Variants in GATAD1 observed in about 807,000 individuals in gnomAD.
GATAD1 encodes GATA zinc finger domain-containing protein 1.
A neutral mutation model predicts 26.5 loss-of-function variants in GATAD1; 12 were observed. The ratio of observed to expected loss-of-function variants is 0.45; its 90% confidence interval spans 0.29 to 0.73. The LOEUF is 0.73. Among genes scored for constraint, GATAD1 ranks in the 30% least tolerant of loss-of-function variants. The pLI is 0.10. For synonymous variants in GATAD1, 129 were observed against 133.1 expected (o/e 0.97, Z 0.21); for missense variants, 266 against 342.1 (o/e 0.78, Z 1.75).
chr7:92,483,448 T>C, the GATAD1 span, among the ~76,000 whole-genome samples: 1 of 152,242 alleles, frequency 6.6e-6, no homozygotes, highest in African/African-American at 2.4e-5. Context: ...TAAGTCCTGT[T>C]GTGGGGTTTG....
the GATAD1 span, chr7:92,487,374 CAT>C: frequency 1.4e-6 from 1 of 737,010 alleles, no homozygotes; most frequent in Non-Finnish European, 2.4e-6. Context: ...AGAAGAAATT[CAT>C]AGACACCATT....
At chr7:92,494,453 TATAAC>T in the GATAD1 span, 1 of 1,612,196 alleles carries the variant, frequency 6.2e-7, no homozygotes, top group Non-Finnish European at 8.5e-7. Flanking sequence ...GACATTTTGT[TATAAC>T]ATTCTATTTC....
At chr7:92,468,306 G>A in the GATAD1 span, 7 of 176,914 alleles carry the variant, frequency 4.0e-5, no homozygotes, top group Admixed American at 1.2e-4. Flanking sequence ...GCGGGTCTGC[G>A]GTGGCGGCAA....
chr7:92,484,929 G>C, the GATAD1 span, among the ~76,000 whole-genome samples: 1 of 152,020 alleles, frequency 6.6e-6, no homozygotes, highest in Non-Finnish European at 1.5e-5. Context: ...CAGGCGGGCT[G>C]AGTCCGAAAA....
chr7:92,455,880 T>G (rs1789649919), intron 4 of GATAD1, among the ~76,000 whole-genome samples: 1 of 152,236 alleles, frequency 6.6e-6, no homozygotes. Context: ...TGCCTCCTCT[T>G]TCTAATCCCC....
Position 92,454,667 on chromosome 7 carries a change from C to A in GATAD1, c.601C>A (p.Pro201Thr), listed in dbSNP as rs748669338. ...CTCTAGCCCCAGAGACCAATTTGATCCCGCCTCCTATATCATAGGTAAGTT... is the reference window on the plus strand; with the variant it reads ...CTCTAGCCCCAGAGACCAATTTGATACCGCCTCCTATATCATAGGTAAGTT... ...TLSSPRDQFD[P>T]ASYIIGPEED... Residue 201 changes from proline (P) to threonine (T), a missense_variant, in exon 4 of 5, where the codon CCC (proline) becomes ACC (threonine). Transcript: ENST00000287957. 2 of 1,595,870 alleles carry A rather than the reference C, an allele frequency of 1.3e-6. No homozygotes were observed. Among genetic ancestry groups the A allele is most frequent in the South Asian group, 1.2e-5 (1 of 86,668 alleles).
chr7:92,483,823 G>C, the GATAD1 span, among the ~76,000 whole-genome samples: 1,798 of 152,248 alleles, frequency 0.012, 38 homozygotes, highest in African/African-American at 0.042. Flanking sequence ...ATTATAGGGT[G>C]GGGGAGCAGA....
the GATAD1 span, among the ~76,000 whole-genome samples, chr7:92,487,720 T>C: frequency 1.3e-5 from 2 of 152,134 alleles, no homozygotes; most frequent in South Asian, 4.1e-4. Flanking sequence ...TGCACTCCAA[T>C]AGAAAACGGA....
chr7:92,475,447 T>C, the GATAD1 span: 29,795 of 152,126 alleles, frequency 0.2, 3,184 homozygotes, highest in East Asian at 0.32. Context: ...GAATTAGTTA[T>C]GCTCACTGAT....
At chr7:92,461,513 G>A (rs932747732), downstream of GATAD1, 1 of 152,194 alleles carries the variant, frequency 6.6e-6, no homozygotes, top group Non-Finnish European at 1.5e-5. Context: ...TGAAAGAGAA[G>A]GCAAGGAACT....
chr7:92,485,597 TG>T, the GATAD1 span, among the ~76,000 whole-genome samples: 2 of 152,214 alleles, frequency 1.3e-5, no homozygotes, highest in Non-Finnish European at 2.9e-5. Flanking sequence ...CCAGACACTC[TG>T]GGGATTATCA....
chr7:92,477,365 G>C, the GATAD1 span: 1 of 152,226 alleles, frequency 6.6e-6, no homozygotes, highest in Non-Finnish European at 1.5e-5. Flanking sequence ...AAGTGAAAGT[G>C]GTCCAATATT....
In GATAD1 at chr7:92,459,718, A is replaced by G. The variant is rs1328650863; in HGVS notation, c.*3156A>G. ...TCACATTTAAGTTTCTACTTCCATC[A>G]TCCTCACTCCTATCCCTTTGGTCCT... is the stretch of plus-strand genomic sequence containing the variant. On this transcript the variant is annotated 3_prime_UTR_variant, in exon 5 of 5. Coordinates refer to ENST00000287957, the MANE Select transcript of GATAD1 (RefSeq NM_021167.5). Among the ~76,000 whole-genome samples, 1 of 152,120 alleles carries G rather than the reference A, an allele frequency of 6.6e-6. No homozygotes were observed. The highest frequency in any genetic ancestry group is 1.5e-5 in the Non-Finnish European group (1 of 68,022).
chr7:92,492,003 T>C, the GATAD1 span, among the ~76,000 whole-genome samples: 1 of 152,196 alleles, frequency 6.6e-6, no homozygotes, highest in Non-Finnish European at 1.5e-5. Flanking sequence ...AGAAGAGTAA[T>C]AGAATAATCC....
chr7:92,495,017 G>A, the GATAD1 span, among the ~76,000 whole-genome samples: 19 of 151,906 alleles, frequency 1.3e-4, no homozygotes, highest in Admixed American at 5.2e-4. Context: ...CCTATTACAA[G>A]TAACCATTTT....
chr7:92,455,608 A>G (rs1390013807), intron 4 of GATAD1, among the ~76,000 whole-genome samples: 1 of 152,188 alleles, frequency 6.6e-6, no homozygotes, highest in African/African-American at 2.4e-5. Context: ...TTTTACAGTT[A>G]CTTCAGACTT....
chr7:92,475,776 G>A, the GATAD1 span, among the ~76,000 whole-genome samples: 3 of 152,128 alleles, frequency 2.0e-5, no homozygotes, highest in Non-Finnish European at 4.4e-5. Context: ...AGCTGGGCTG[G>A]GTTCCTATTT....
At position 92,458,585 on chromosome 7, in the gene GATAD1, A is replaced by G. The variant is rs1454345678; in HGVS notation, c.*2023A>G. 1 of 152,132 alleles carries G rather than the reference A, an allele frequency of 6.6e-6. No individual in the cohort carries two copies. The highest frequency in any genetic ancestry group is 2.4e-5 in the African/African-American group (1 of 41,430). The allele number at this position is 152,132 out of a possible 1,614,324, so 9.4% of individuals were successfully genotyped here. The stretch of plus-strand genomic sequence containing the variant: ...TTGCCTCCTCTTTTGTCCTGATTTA[A>G]CCAGCATTTTTCAACCCTGGGAAAA... On this transcript the variant is annotated 3_prime_UTR_variant, in exon 5 of 5. Transcript: ENST00000287957.
At chr7:92,494,707 G>T in the GATAD1 span, 1 of 1,103,052 alleles carries the variant, frequency 9.1e-7, no homozygotes, top group Non-Finnish European at 1.3e-6. Flanking sequence ...ATATATGAAT[G>T]TATTTATTTT....
Sources: allele counts gnomAD v4.1 joint callset (sites outside exome capture counted in the v4.1 genomes callset), GRCh38; gene constraint gnomAD v4.1.1; transcripts MANE v1.5; gene names NCBI Gene and HGNC (gene_info 2026-07-23, HGNC 2026-07-21).